Variants in CSMD1 observed in about 807,000 individuals in gnomAD.
CSMD1 encodes CUB and sushi domain-containing protein 1.
In CSMD1, 213 loss-of-function variants were observed where a neutral mutation model predicts 417.5. The observed-to-expected ratio is 0.51, with a 90% CI of 0.46 to 0.57. The LOEUF is 0.57. Among genes scored for constraint, CSMD1 ranks in the 20% least tolerant of loss-of-function variants. The probability of loss-of-function intolerance (pLI) is 0.00; values close to 1 mark genes in which losing one functional copy is unlikely to be tolerated. For synonymous variants in CSMD1, 2,862 were observed against 1,736.8 expected, an observed-to-expected ratio of 1.65 and a Z score of -16.11; for missense variants, 6,923 against 4,529.7, an observed-to-expected ratio of 1.53 and a Z score of -15.17.
At chr8:3,608,598 T>TTA (rs1801736288) in intron 8 of CSMD1, among the ~76,000 whole-genome samples, 1 of 151,594 alleles carries the variant, frequency 6.6e-6, no homozygotes, top group Admixed American at 6.6e-5. Context: ...CCCGTCTCTA[T>TTA]TAAAAATGCA....
At chr8:4,153,291 A>G (rs1187309013) in intron 3 of CSMD1, among the ~76,000 whole-genome samples, 1 of 152,206 alleles carries the variant, frequency 6.6e-6, no homozygotes, top group African/African-American at 2.4e-5. Flanking sequence ...AGTTTGACTC[A>G]GTTCATCTCC....
chr8:4,427,031 G>C (rs1052446460), intron 2 of CSMD1, among the ~76,000 whole-genome samples: 5 of 152,094 alleles, frequency 3.3e-5, no homozygotes, highest in Admixed American at 3.3e-4. Context: ...GTCCCCACGA[G>C]AACTGGTGTA....
chr8:3,655,493 G>C (rs1044957077), intron 7 of CSMD1, among the ~76,000 whole-genome samples: 6 of 151,970 alleles, frequency 3.9e-5, no homozygotes, highest in Non-Finnish European at 8.8e-5. Context: ...AAATAGGTTT[G>C]GCATAAACAC....
intron 3 of CSMD1, among the ~76,000 whole-genome samples, chr8:4,243,889 C>G (rs1262746213): frequency 6.6e-6 from 1 of 152,072 alleles, no homozygotes; most frequent in Non-Finnish European, 1.5e-5. Flanking sequence ...CTGTTTTCTC[C>G]CATAAACACA....
chr8:3,701,508 C>A (rs914924463), intron 7 of CSMD1, among the ~76,000 whole-genome samples: 5 of 13,030 alleles, frequency 3.8e-4, no homozygotes, highest in African/African-American at 1.7e-3. Context: ...AGGATTAAAC[C>A]TTATTTTTTT....
At chr8:3,249,872 T>C (rs1800142791) in intron 26 of CSMD1, among the ~76,000 whole-genome samples, 1 of 152,186 alleles carries the variant, frequency 6.6e-6, no homozygotes, top group Non-Finnish European at 1.5e-5. Flanking sequence ...ATGAAATGTT[T>C]AGAAATGGAT....
intron 5 of CSMD1, among the ~76,000 whole-genome samples, chr8:3,997,507 T>C (rs938678757): frequency 6.6e-6 from 1 of 152,120 alleles, no homozygotes; most frequent in Non-Finnish European, 1.5e-5. Context: ...GAAAGCACAA[T>C]CATATATCTG....
At chr8:3,386,000 A>C (rs147090325) in intron 18 of CSMD1, among the ~76,000 whole-genome samples, 1 of 152,192 alleles carries the variant, frequency 6.6e-6, no homozygotes, top group African/African-American at 2.4e-5. Context: ...GCAATTGTCT[A>C]AATTCTTACT....
chr8:4,763,084 G>A (rs554907999), intron 1 of CSMD1, among the ~76,000 whole-genome samples: 6 of 152,208 alleles, frequency 3.9e-5, no homozygotes, highest in African/African-American at 1.4e-4. Flanking sequence ...AAAAATTGTT[G>A]AATGGACAGA....
Position 4,144,369 on chromosome 8 carries a change from G to C in CSMD1, c.416-112270C>G, listed in dbSNP as rs915439227. 4.0e-5 allele frequency among the ~76,000 whole-genome samples: 6 copies of C among 151,156 alleles called. 1 individual carries two copies. Among genetic ancestry groups the C allele is most frequent in the African/African-American group, 1.2e-4 (5 of 40,474 alleles). ...TTTCTTCTGTAATTTTCTGATAAGGGTGTGTTTTTAGAACTTAATTTATCT... is the reference window on the plus strand; with the variant it reads ...TTTCTTCTGTAATTTTCTGATAAGGCTGTGTTTTTAGAACTTAATTTATCT... On this transcript the variant is annotated intron_variant, in intron 3 of 69. Coordinates refer to ENST00000635120, the MANE Select transcript of CSMD1 (RefSeq NM_033225.6).
chr8:3,284,664 A>T (rs1803011815), intron 25 of CSMD1: 1 of 293,812 alleles, frequency 3.4e-6, no homozygotes, highest in South Asian at 4.0e-5. Context: ...TAAGCTTTCT[A>T]CGGCACACAA....
At chr8:3,809,607 G>A (rs1010195071) in intron 5 of CSMD1, among the ~76,000 whole-genome samples, 5 of 152,068 alleles carry the variant, frequency 3.3e-5, no homozygotes, top group Admixed American at 3.3e-4. Context: ...CCTGCAGAGT[G>A]TCTAATTCAG....
intron 48 of CSMD1, among the ~76,000 whole-genome samples, chr8:3,089,897 A>T (rs1814815699): frequency 6.6e-6 from 1 of 152,222 alleles, no homozygotes. Context: ...ACAATTGAGG[A>T]TATAATCATA....
rs573128758 is a variant in CSMD1, at chr8:3,968,059, C to T, written c.818+29844G>A. On this transcript the variant is annotated intron_variant, in intron 5 of 69. Coordinates refer to ENST00000635120, the MANE Select transcript of CSMD1 (RefSeq NM_033225.6). ...AAAATTAGCCGGGAGTGGTGGCGGG[C>T]GCCTGTAGTCCCAGCTCCTCGGCAG... Among the ~76,000 whole-genome samples the T allele has an allele frequency of 6.8e-5, 10 of 147,230 alleles. No homozygotes were observed. In the South Asian group the frequency reaches 1.5e-3, roughly 22 times the overall value.
chr8:3,043,167 A>ATT (rs1811222763), intron 50 of CSMD1, among the ~76,000 whole-genome samples: 1 of 151,680 alleles, frequency 6.6e-6, no homozygotes, highest in East Asian at 1.9e-4. Flanking sequence ...ATATATACAG[A>ATT]TTATATAGTA....
chr8:3,520,472 A>G (rs1230097172), intron 10 of CSMD1, among the ~76,000 whole-genome samples: 1 of 152,228 alleles, frequency 6.6e-6, no homozygotes, highest in Admixed American at 6.5e-5. Context: ...TACTATTGCT[A>G]GACTGTAGTC....
At chr8:3,390,173 G>A (rs183224698) in intron 17 of CSMD1, among the ~76,000 whole-genome samples, 2 of 151,912 alleles carry the variant, frequency 1.3e-5, no homozygotes, top group East Asian at 1.9e-4. Flanking sequence ...TGGCCAACCT[G>A]ATGAAAACCT....
At chr8:4,656,411 A>G (rs1804233119) in intron 1 of CSMD1, among the ~76,000 whole-genome samples, 1 of 152,068 alleles carries the variant, frequency 6.6e-6, no homozygotes, top group South Asian at 2.1e-4. Flanking sequence ...GACACTTTGA[A>G]GGACTAATGT....
intron 5 of CSMD1, among the ~76,000 whole-genome samples, chr8:3,991,163 G>T (rs891436761): frequency 6.6e-6 from 1 of 152,180 alleles, no homozygotes; most frequent in African/African-American, 2.4e-5. Flanking sequence ...TTGTGGAGAG[G>T]GTGCCTAATC....
Sources: allele counts gnomAD v4.1 joint callset (sites outside exome capture counted in the v4.1 genomes callset), GRCh38; gene constraint gnomAD v4.1.1; transcripts MANE v1.5; gene names NCBI Gene and HGNC (gene_info 2026-07-23, HGNC 2026-07-21).